OPCML: variants seen among roughly 807,000 people sequenced by gnomAD.
OPCML encodes opioid-binding protein/cell adhesion molecule.
OPCML carries 13 observed loss-of-function variants against 37.8 expected under a neutral mutation model. The observed-to-expected ratio is 0.34, with a 90% confidence interval of 0.22 to 0.55. The LOEUF (loss-of-function observed/expected upper bound fraction) is 0.55, where lower values mean the gene tolerates loss of function less well. OPCML is among the 20% of genes least tolerant of loss of function. The pLI, the probability that OPCML is intolerant of heterozygous loss-of-function variation, is 0.91. For missense variants in OPCML, 341 were observed against 435.6 expected, an observed-to-expected ratio of 0.78 and a Z score of 1.93; for synonymous variants, 176 against 168.8, an observed-to-expected ratio of 1.04 and a Z score of -0.33.
chr11:132,803,818 A>C (rs1268164357), intron 2 of OPCML, among the ~76,000 whole-genome samples: 1 of 152,222 alleles, frequency 6.6e-6, no homozygotes, highest in African/African-American at 2.4e-5. Context: ...AAAAATAGGG[A>C]TAGTACCTAA....
intron 7 of OPCML, among the ~76,000 whole-genome samples, chr11:132,423,186 C>T (rs1332872017): frequency 6.6e-6 from 1 of 152,212 alleles, no homozygotes; most frequent in Admixed American, 6.5e-5. Flanking sequence ...ACACTCTAGT[C>T]CCTAAAGTTT....
intron 1 of OPCML, among the ~76,000 whole-genome samples, chr11:133,302,946 C>T (rs542913913): frequency 1.1e-4 from 17 of 152,240 alleles, no homozygotes; most frequent in South Asian, 2.1e-4. Flanking sequence ...ATTAAATCAA[C>T]ATAGGAATGA....
chr11:133,483,311 CAGATAGAT>C (rs10527085), intron 1 of OPCML, among the ~76,000 whole-genome samples: 12 of 148,422 alleles, frequency 8.1e-5, no homozygotes, highest in Non-Finnish European at 7.4e-5. Context: ...GATAGATAGG[CAGATAGAT>C]AGATAGATAG....
At chr11:133,352,917 G>A (rs1430268899) in intron 1 of OPCML, among the ~76,000 whole-genome samples, 1 of 152,146 alleles carries the variant, frequency 6.6e-6, no homozygotes, top group Non-Finnish European at 1.5e-5. Context: ...TTCCTCACCT[G>A]CTAAATAAGC....
At chr11:132,932,094 AG>A (rs1043594953) in intron 2 of OPCML, among the ~76,000 whole-genome samples, 4 of 152,198 alleles carry the variant, frequency 2.6e-5, no homozygotes, top group Admixed American at 2.6e-4. Context: ...CAGAAAGAAA[AG>A]TAGTACAATA....
In OPCML at chr11:133,211,647, G is replaced by A. The variant is rs1044118389; in HGVS notation, c.62-268637C>T. Among the ~76,000 whole-genome samples, 7 of 152,220 alleles carry A rather than the reference G, an allele frequency of 4.6e-5. No homozygotes were observed. Among genetic ancestry groups the A allele is most frequent in the African/African-American group, 1.7e-4 (7 of 41,458 alleles). On this transcript the variant is annotated intron_variant, in intron 1 of 7. Coordinates refer to ENST00000524381, the MANE Select transcript of OPCML (RefSeq NM_001012393.5). This position sits in a 1 kb window ranked among gnomAD's most constrained non-coding sequence, Gnocchi z 4.1. ...AGGCCCTTCCCTAATAGCTGGAATT[G>A]TATATCTTGTACCATGAGGCATCTG...
chr11:132,660,615 A>G (rs1941927362), intron 2 of OPCML, among the ~76,000 whole-genome samples: 1 of 152,174 alleles, frequency 6.6e-6, no homozygotes, highest in Non-Finnish European at 1.5e-5. Context: ...AATACTGTTT[A>G]TTTTAATATG....
chr11:132,942,281 T>C (rs566627903), intron 2 of OPCML, among the ~76,000 whole-genome samples: 2 of 152,332 alleles, frequency 1.3e-5, no homozygotes, highest in Admixed American at 1.3e-4. Flanking sequence ...CAAAAAGCTC[T>C]CCTATTGTGC....
At chr11:132,673,836 A>C (rs1183300263) in intron 2 of OPCML, among the ~76,000 whole-genome samples, 1 of 152,150 alleles carries the variant, frequency 6.6e-6, no homozygotes, top group East Asian at 1.9e-4. Context: ...AATAGCAACT[A>C]GACAGCATGA....
chr11:132,450,263 T>G (rs565499569), intron 4 of OPCML, among the ~76,000 whole-genome samples: 1 of 152,296 alleles, frequency 6.6e-6, no homozygotes, highest in East Asian at 1.9e-4. Context: ...TTTTGTTGCC[T>G]TAGGAAGCAT....
At position 132,441,507 on chromosome 11, in the gene OPCML, T is replaced by C. The variant is rs77978769; in HGVS notation, c.506-4148A>G. Among the ~76,000 whole-genome samples the C allele has an allele frequency of 3.0e-3, 451 of 152,288 alleles. 2 individuals carry two copies. Among genetic ancestry groups the C allele is most frequent in the African/African-American group, 0.01 (428 of 41,558 alleles). ...TTAAAAAGGCTGTAAGACTGCAATA[T>C]TTTCCTTGTCAAACAGGAACTGCAA... On this transcript the variant is annotated intron_variant, in intron 4 of 7. Transcript: ENST00000524381.
rs141982409 is a variant in OPCML at position 133,505,225 on chromosome 11, C to A, written c.61+27039G>T. Among the ~76,000 whole-genome samples, 1,042 of 152,330 alleles carry A rather than the reference C, an allele frequency of 6.8e-3. 12 individuals carry two copies. Among genetic ancestry groups the A allele is most frequent in the Middle Eastern group, 0.01 (3 of 294 alleles). On this transcript the variant is annotated intron_variant, in intron 1 of 7. Coordinates refer to ENST00000524381, the MANE Select transcript of OPCML (RefSeq NM_001012393.5). ...AGTGCTTATTGGGAAGGGATTAAGA[C>A]CTGGCCTTTTGAGATGGATACTGTC...
At position 133,174,837 on chromosome 11, in the gene OPCML, A is replaced by G. The variant is rs964991486; in HGVS notation, c.62-231827T>C. On this transcript the variant is annotated intron_variant, in intron 1 of 7. Coordinates refer to ENST00000524381, the MANE Select transcript of OPCML (RefSeq NM_001012393.5). The surrounding 1 kb of genome is among the most constrained non-coding windows in gnomAD (Gnocchi z 4.6). ...TGCACTAGAAAAAGAGTACTTTAAA[A>G]TAACCTGTAATCCCAGCACTTTGGG... is the stretch of plus-strand genomic sequence containing the variant. Among the ~76,000 whole-genome samples the G allele has an allele frequency of 2.0e-5, 3 of 152,102 alleles. No homozygotes were observed. Among genetic ancestry groups the G allele is most frequent in the Non-Finnish European group, 4.4e-5 (3 of 68,008 alleles).
At chr11:133,364,951 A>T (rs1944506425) in intron 1 of OPCML, among the ~76,000 whole-genome samples, 1 of 151,950 alleles carries the variant, frequency 6.6e-6, no homozygotes, top group Non-Finnish European at 1.5e-5. Flanking sequence ...CAACTTTTTC[A>T]AATATTTGAT....
chr11:133,406,858 T>C (rs1321175067), intron 1 of OPCML, among the ~76,000 whole-genome samples: 1 of 152,214 alleles, frequency 6.6e-6, no homozygotes, highest in Non-Finnish European at 1.5e-5. Flanking sequence ...AAGTGATTTT[T>C]TGAAACCTTA....
At chr11:133,441,043 G>T (rs1946356424) in intron 1 of OPCML, among the ~76,000 whole-genome samples, 1 of 151,526 alleles carries the variant, frequency 6.6e-6, no homozygotes, top group African/African-American at 2.4e-5. Flanking sequence ...TAAATTATTA[G>T]AATAAGACAC....
rs1232975379 is a variant in OPCML at position 132,912,106 on chromosome 11, A to G, written c.146+30820T>C. On this transcript the variant is annotated intron_variant, in intron 2 of 7. Transcript: ENST00000524381. ...ATCCTATACAGCAACTCATGGAATAACATGGACTCTTTCTGACATATAAAA... is the reference window on the plus strand; with the variant it reads ...ATCCTATACAGCAACTCATGGAATAGCATGGACTCTTTCTGACATATAAAA... 3.3e-5 allele frequency among the ~76,000 whole-genome samples: 5 copies of G among 152,296 alleles called. No homozygotes were observed. The East Asian group carries it at 9.7e-4, about 29-fold the overall frequency.
At chr11:133,268,355 C>T (rs1565539212) in intron 1 of OPCML, among the ~76,000 whole-genome samples, 1 of 152,204 alleles carries the variant, frequency 6.6e-6, no homozygotes, top group Non-Finnish European at 1.5e-5. Context: ...TATTCTGTTC[C>T]TAACTGCAAG....
In OPCML at chr11:133,458,176, ATGTGTATATATACACATATATACACGTG is replaced by A. The variant is rs1172177196; in HGVS notation, c.61+74060_61+74087del. ...AAAATATATATATACATATACATATATGTGTATATATACACATATATACACGTGTGTGTATATATACACATATATACAC... is the reference window on the plus strand; with the variant it reads ...AAAATATATATATACATATACATATATGTGTATATATACACATATATACAC... On this transcript the variant is annotated intron_variant, in intron 1 of 7. Coordinates refer to ENST00000524381, the MANE Select transcript of OPCML (RefSeq NM_001012393.5). Among the ~76,000 whole-genome samples, 207 of 132,790 alleles carry A rather than the reference ATGTGTATATATACACATATATACACGTG, an allele frequency of 1.6e-3. 11 individuals carry two copies. Among genetic ancestry groups the A allele is most frequent in the African/African-American group, 4.6e-3 (123 of 26,948 alleles). 87.1% of individuals were successfully genotyped at this position (132,790 alleles called of 152,430 possible). A position where few individuals can be genotyped will look rare whatever the true frequency, so the allele number is the denominator to read the frequency against.
Sources: gnomAD v4.1 joint callset for allele counts (sites outside exome capture counted in the v4.1 genomes callset) on GRCh38, gnomAD v4.1.1 for gene constraint, Gnocchi (gnomAD v3.1) non-coding constraint, MANE v1.5 for transcripts, NCBI Gene and HGNC (gene_info 2026-07-23, HGNC 2026-07-21) for gene names.